The following NAA11 variants were observed in gnomAD, a reference collection of about 807,000 sequenced individuals.
NAA11 encodes the protein N-alpha-acetyltransferase 11, NatA catalytic subunit.
Under a neutral mutation model 16.1 loss-of-function variants are expected in NAA11, and 15 were observed. That is an observed-to-expected ratio of 0.93 (90% CI 0.62 to 1.44). The LOEUF (loss-of-function observed/expected upper bound fraction) is 1.44, where lower values mean the gene tolerates loss of function less well. NAA11 is among the 40% of genes most tolerant of loss of function. The pLI, the probability that NAA11 is intolerant of heterozygous loss-of-function variation, is 0.00. For missense variants in NAA11, 298 were observed against 291.3 expected (o/e 1.02, Z -0.17); for synonymous variants, 122 against 112.4 (o/e 1.09, Z -0.54).
intron 2 of NAA11, among the ~76,000 whole-genome samples, chr4:79,250,265 T>A (rs1721962784): frequency 1.3e-5 from 2 of 152,218 alleles, no homozygotes; most frequent in South Asian, 4.1e-4. Context: ...AGGCAGGAGA[T>A]CTGTCCATTC....
intron 2 of NAA11, among the ~76,000 whole-genome samples, chr4:79,236,463 GA>G (rs934107556): frequency 4.7e-5 from 7 of 148,782 alleles, no homozygotes; most frequent in South Asian, 2.1e-4. Context: ...GTATTTTATG[GA>G]AAAAAAAAGA....
At chr4:79,200,485 A>G in the NAA11 span, among the ~76,000 whole-genome samples, 6 of 151,956 alleles carry the variant, frequency 3.9e-5, no homozygotes, top group African/African-American at 1.2e-4. Context: ...AAGGTATTGT[A>G]TAAAATGGGA....
chr4:79,244,973 G>A (rs374206005), intron 2 of NAA11: 21 of 168,282 alleles, frequency 1.2e-4, no homozygotes, highest in African/African-American at 4.8e-4. Flanking sequence ...ATCTCGGCTC[G>A]CTAAAACCTC....
At chr4:79,306,945 T>C (rs540461665) in intron 1 of NAA11, 1 of 152,348 alleles carries the variant, frequency 6.6e-6, no homozygotes, top group Admixed American at 6.5e-5. Context: ...TTCTGATTGT[T>C]TGAGCCTGGT....
At chr4:79,290,644 A>G (rs1275708388) in intron 2 of NAA11, among the ~76,000 whole-genome samples, 1 of 152,164 alleles carries the variant, frequency 6.6e-6, no homozygotes, top group Non-Finnish European at 1.5e-5. Flanking sequence ...CTCCAGGAAC[A>G]GTTGTCAACT....
intron 2 of NAA11, among the ~76,000 whole-genome samples, chr4:79,254,653 T>TA (rs1722065168): frequency 6.6e-6 from 1 of 150,924 alleles, no homozygotes; most frequent in African/African-American, 2.4e-5. Context: ...TTCTTTTTTT[T>TA]TTTTTTACTT....
chr4:79,305,369 CA>C (rs1723546161), intron 1 of NAA11, among the ~76,000 whole-genome samples: 1 of 152,180 alleles, frequency 6.6e-6, no homozygotes, highest in Admixed American at 6.5e-5. Flanking sequence ...ACATATTTCA[CA>C]AAGTAAAACA....
In NAA11 at chr4:79,238,735, G is replaced by A. The variant is rs1346188918; in HGVS notation, c.*123-12465C>T. Among the ~76,000 whole-genome samples the A allele has an allele frequency of 2.6e-5, 4 of 152,268 alleles. No homozygotes were observed. The East Asian group carries it at 7.7e-4, about 29-fold the overall frequency. ...GTTCACACACCAAAAAATGGCAGTT[G>A]TTCAGTCATAAGAGATGTCTCCTGA... On this transcript the variant is annotated intron_variant and NMD_transcript_variant, in intron 2 of 2. Coordinates refer to the NAA11 transcript ENST00000511542.
intron 2 of NAA11, among the ~76,000 whole-genome samples, chr4:79,270,247 A>C (rs1036692134): frequency 6.6e-6 from 1 of 151,926 alleles, no homozygotes; most frequent in East Asian, 1.9e-4. Flanking sequence ...GAAGAAAGTC[A>C]TTGGTAGCTT....
chr4:79,302,553 T>C (rs1197237310), intron 1 of NAA11, among the ~76,000 whole-genome samples: 1 of 152,184 alleles, frequency 6.6e-6, no homozygotes, highest in Non-Finnish European at 1.5e-5. Flanking sequence ...TTGCATTGTC[T>C]GAGACTGTAT....
chr4:79,217,598 G>C, the NAA11 span, among the ~76,000 whole-genome samples: 1 of 152,096 alleles, frequency 6.6e-6, no homozygotes, highest in African/African-American at 2.4e-5. Context: ...ATTTTGGGAA[G>C]ATCAAAGGAA....
rs558391421 is a variant in NAA11, at chr4:79,230,347, C to G, written c.*123-4077G>C. 2.3e-4 allele frequency among the ~76,000 whole-genome samples: 35 copies of G among 151,940 alleles called. No individual in the cohort carries two copies. The South Asian group carries it at 7.1e-3, about 31-fold the overall frequency. On this transcript the variant is annotated intron_variant and NMD_transcript_variant, in intron 2 of 2. Coordinates refer to the NAA11 transcript ENST00000511542. The stretch of plus-strand genomic sequence containing the variant: ...CTAGATGACGAGTTAGTGGGTGCAG[C>G]ACACCAGCATGGCACATGTATACAT...
intron 2 of NAA11, among the ~76,000 whole-genome samples, chr4:79,243,118 G>A (rs900763205): frequency 1.3e-5 from 2 of 152,252 alleles, no homozygotes. Context: ...TTGATGAAAG[G>A]CTTCCTCAGA....
At chr4:79,218,647 C>T in the NAA11 span, among the ~76,000 whole-genome samples, 2 of 151,978 alleles carry the variant, frequency 1.3e-5, no homozygotes, top group African/African-American at 4.8e-5. Flanking sequence ...ATCCCAACCT[C>T]AATTCCGCTA....
At chr4:79,250,433 C>T (rs912254051) in intron 2 of NAA11, among the ~76,000 whole-genome samples, 1 of 152,294 alleles carries the variant, frequency 6.6e-6, no homozygotes, top group South Asian at 2.1e-4. Flanking sequence ...CACAGGAACT[C>T]GGAGACTGAA....
chr4:79,276,531 T>C (rs551338377), intron 2 of NAA11, among the ~76,000 whole-genome samples: 1 of 152,286 alleles, frequency 6.6e-6, no homozygotes, highest in Non-Finnish European at 1.5e-5. Flanking sequence ...TTAGCATTCC[T>C]TGGAGACCTG....
downstream of NAA11, among the ~76,000 whole-genome samples, chr4:79,316,084 A>G (rs1221802808): frequency 2.0e-5 from 3 of 152,208 alleles, no homozygotes; most frequent in East Asian, 5.8e-4. Flanking sequence ...GAAAAAAATC[A>G]TTCAGGTAAG....
At chr4:79,174,011 G>C in the NAA11 span, among the ~76,000 whole-genome samples, 1 of 152,066 alleles carries the variant, frequency 6.6e-6, no homozygotes, top group Non-Finnish European at 1.5e-5. Flanking sequence ...AAGACAGTCA[G>C]GGGGAGGGAG....
At chr4:79,204,276 GTTTTA>G in the NAA11 span, among the ~76,000 whole-genome samples, 1 of 151,692 alleles carries the variant, frequency 6.6e-6, no homozygotes, top group African/African-American at 2.4e-5. Context: ...AACAATGAAG[GTTTTA>G]TTTTAATAAA....
Sources: gnomAD v4.1 joint callset for allele counts (sites outside exome capture counted in the v4.1 genomes callset) on GRCh38, gnomAD v4.1.1 for gene constraint, MANE v1.5 for transcripts, NCBI Gene and HGNC (gene_info 2026-07-23, HGNC 2026-07-21) for gene names.